Variants in DLGAP2 observed in about 807,000 individuals in gnomAD.
DLGAP2 encodes the protein DLG associated protein 2, also known as disks large-associated protein 2.
A neutral mutation model predicts 100.3 loss-of-function variants in DLGAP2; 26 were observed. That is an observed-to-expected ratio of 0.26 (90% CI 0.19 to 0.36). The LOEUF is 0.36. Among genes scored for constraint, DLGAP2 ranks in the 10% least tolerant of loss-of-function variants. The pLI is 1.00. For synonymous variants in DLGAP2, 886 were observed against 630.1 expected, an observed-to-expected ratio of 1.41 and a Z score of -6.08; for missense variants, 1,858 against 1,453.2, an observed-to-expected ratio of 1.28 and a Z score of -4.53.
At chr8:880,406 G>C (rs927988898) in intron 1 of DLGAP2, among the ~76,000 whole-genome samples, 1 of 152,252 alleles carries the variant, frequency 6.6e-6, no homozygotes, top group Admixed American at 6.5e-5. Flanking sequence ...AGAGGGTTCT[G>C]CTATCTGGCT....
At chr8:1,309,259 G>A (rs1411337019) in intron 3 of DLGAP2, among the ~76,000 whole-genome samples, 4 of 152,112 alleles carry the variant, frequency 2.6e-5, no homozygotes, top group Admixed American at 2.6e-4. Context: ...GAAGCATAAT[G>A]AACTTCAAGT....
At chr8:979,461 C>G (rs1013906465) in intron 2 of DLGAP2, among the ~76,000 whole-genome samples, 3 of 152,202 alleles carry the variant, frequency 2.0e-5, no homozygotes, top group African/African-American at 2.4e-5. Flanking sequence ...TGTTCCCAGC[C>G]TCACATCCCT....
At chr8:838,715 C>A (rs1796928248) in intron 1 of DLGAP2, among the ~76,000 whole-genome samples, 1 of 152,028 alleles carries the variant, frequency 6.6e-6, no homozygotes, top group Non-Finnish European at 1.5e-5. Context: ...ACAGGGATCC[C>A]TTAAGACTCA....
chr8:995,108 A>T (rs911005527), intron 2 of DLGAP2, among the ~76,000 whole-genome samples: 2 of 152,158 alleles, frequency 1.3e-5, no homozygotes, highest in African/African-American at 4.8e-5. Context: ...AATACATAAA[A>T]TTGTTTTTAT....
chr8:1,212,739 C>G (rs1482640694), intron 2 of DLGAP2, among the ~76,000 whole-genome samples: 1 of 150,256 alleles, frequency 6.7e-6, no homozygotes, highest in African/African-American at 2.5e-5. Flanking sequence ...ACCTTTTTGC[C>G]AAGACCTCTC....
intron 2 of DLGAP2, among the ~76,000 whole-genome samples, chr8:964,762 C>A (rs542410100): frequency 6.6e-6 from 1 of 152,182 alleles, no homozygotes; most frequent in Non-Finnish European, 1.5e-5. Flanking sequence ...ACCTACCCTC[C>A]CCCGAGGGCC....
At chr8:1,371,911 C>G (rs1288959569) in intron 3 of DLGAP2, among the ~76,000 whole-genome samples, 1 of 152,212 alleles carries the variant, frequency 6.6e-6, no homozygotes, top group Admixed American at 6.5e-5. Context: ...GAGTGCAGGG[C>G]CCTTTTCAAT....
chr8:1,685,995 C>A (rs754170060), intron 12 of DLGAP2, among the ~76,000 whole-genome samples: 1 of 152,164 alleles, frequency 6.6e-6, no homozygotes, highest in Admixed American at 6.5e-5. Context: ...GAAGTAGCCA[C>A]TATGGAAAGC....
intron 3 of DLGAP2, among the ~76,000 whole-genome samples, chr8:1,411,203 A>C (rs1361541721): frequency 3.3e-5 from 5 of 152,196 alleles, no homozygotes; most frequent in African/African-American, 1.2e-4. Context: ...TATTCATTGC[A>C]ATAATTTGGT....
intron 2 of DLGAP2, among the ~76,000 whole-genome samples, chr8:1,076,512 G>A (rs75851890): frequency 0.031 from 4,661 of 152,334 alleles, 229 homozygotes; most frequent in African/African-American, 0.11. Flanking sequence ...ACCTGGGTTG[G>A]TCTCGGAAGA....
intron 2 of DLGAP2, among the ~76,000 whole-genome samples, chr8:1,111,811 G>C (rs1410143562): frequency 6.6e-6 from 1 of 152,130 alleles, no homozygotes; most frequent in South Asian, 2.1e-4. Context: ...TGTCATTGCT[G>C]GGCATTTAAG....
intron 3 of DLGAP2, among the ~76,000 whole-genome samples, chr8:1,473,610 C>G (rs1798858003): frequency 6.6e-6 from 1 of 152,146 alleles, no homozygotes; most frequent in African/African-American, 2.4e-5. Flanking sequence ...ATGGGATGCG[C>G]TGTCTTGAAT....
chr8:1,003,549 A>G (rs1284588825), intron 2 of DLGAP2, among the ~76,000 whole-genome samples: 1 of 152,270 alleles, frequency 6.6e-6, no homozygotes, highest in East Asian at 1.9e-4. Context: ...ACATTTAGTA[A>G]GCAGTGAGCA....
chr8:1,417,229 T>G (rs1479567469), intron 3 of DLGAP2, among the ~76,000 whole-genome samples: 1 of 80,870 alleles, frequency 1.2e-5, no homozygotes, highest in South Asian at 3.2e-4. Context: ...CAGCGTCCGT[T>G]TGGCGTCTGA....
chr8:1,173,533 C>T (rs1797178544), intron 2 of DLGAP2, among the ~76,000 whole-genome samples: 1 of 152,210 alleles, frequency 6.6e-6, no homozygotes. Flanking sequence ...TGGTGGGCTC[C>T]ACCCAGTTGG....
At chr8:886,665 A>T (rs1418638245) in intron 1 of DLGAP2, among the ~76,000 whole-genome samples, 1 of 152,168 alleles carries the variant, frequency 6.6e-6, no homozygotes, top group African/African-American at 2.4e-5. Context: ...TTCAATTTCC[A>T]TGAGATTGTG....
At chr8:1,436,786 G>T (rs11782720) in intron 3 of DLGAP2, among the ~76,000 whole-genome samples, 1 of 151,778 alleles carries the variant, frequency 6.6e-6, no homozygotes, top group Admixed American at 6.6e-5. Context: ...GAGCAGCTTC[G>T]GGTTCTGCAA....
At chr8:1,304,612 C>G (rs1346966968) in intron 3 of DLGAP2, among the ~76,000 whole-genome samples, 1 of 151,902 alleles carries the variant, frequency 6.6e-6, no homozygotes, top group Non-Finnish European at 1.5e-5. Context: ...GTTCTTAATC[C>G]AATAATAATT....
chr8:798,988 T>G (rs978218037), intron 1 of DLGAP2, among the ~76,000 whole-genome samples: 5 of 152,386 alleles, frequency 3.3e-5, no homozygotes, highest in African/African-American at 1.2e-4. Flanking sequence ...TTTGTGTGTG[T>G]GCATGTCCTG....
Sources: gnomAD v4.1 joint callset for allele counts (sites outside exome capture counted in the v4.1 genomes callset) on GRCh38, gnomAD v4.1.1 for gene constraint, MANE v1.5 for transcripts, NCBI Gene and HGNC (gene_info 2026-07-23, HGNC 2026-07-21) for gene names.